SOX6: variants seen among roughly 807,000 people sequenced by gnomAD.
SOX6 encodes SRY-box transcription factor 6, also known as transcription factor SOX-6.
A neutral mutation model predicts 97.8 loss-of-function variants in SOX6; 11 were observed. The observed-to-expected ratio is 0.11, with a 90% confidence interval of 0.07 to 0.19. The LOEUF is 0.19. SOX6 is among the 10% of genes least tolerant of loss of function. SOX6 has a pLI of 1.00. For missense variants in SOX6, 810 were observed against 1,039.5 expected, an observed-to-expected ratio of 0.78 and a Z score of 3.04; for synonymous variants, 360 against 371.4, an observed-to-expected ratio of 0.97 and a Z score of 0.35.
chr11:16,575,575 A>G (rs1440748328), intron 4 of SOX6, among the ~76,000 whole-genome samples: 1 of 152,250 alleles, frequency 6.6e-6, no homozygotes, highest in Non-Finnish European at 1.5e-5. Context: ...GTAGGTCTTC[A>G]TGATAATGAT....
chr11:16,457,088 T>C (rs542456266), intron 1 of SOX6, among the ~76,000 whole-genome samples: 4 of 152,140 alleles, frequency 2.6e-5, no homozygotes, highest in East Asian at 1.9e-4. Context: ...TTTCTGATAC[T>C]CTGTTTTTCA....
At chr11:16,165,593 G>A (rs558070962) in intron 6 of SOX6, among the ~76,000 whole-genome samples, 126 of 152,260 alleles carry the variant, frequency 8.3e-4, no homozygotes, top group African/African-American at 3.0e-3. Flanking sequence ...GTAAAGTTCA[G>A]TAATGCTAAA....
At chr11:16,021,993 G>A (rs1393362128) in intron 12 of SOX6, among the ~76,000 whole-genome samples, 1 of 152,092 alleles carries the variant, frequency 6.6e-6, no homozygotes, top group East Asian at 1.9e-4. Context: ...ATTTAGATAT[G>A]TATTTGTACT....
intron 3 of SOX6, among the ~76,000 whole-genome samples, chr11:16,258,413 G>A (rs948447161): frequency 6.6e-6 from 1 of 151,840 alleles, no homozygotes; most frequent in Non-Finnish European, 1.5e-5. Flanking sequence ...GAAAAGACGC[G>A]AAGGAAACTT....
intron 3 of SOX6, among the ~76,000 whole-genome samples, chr11:16,672,530 G>A (rs1216577475): frequency 2.0e-5 from 3 of 152,170 alleles, no homozygotes; most frequent in African/African-American, 7.2e-5. Context: ...ATCTTACATG[G>A]ATGGCAGTAG....
chr11:16,014,817 C>A (rs1854833008), intron 13 of SOX6, 125 bp downstream of exon 13: 1 of 858,444 alleles, frequency 1.2e-6, no homozygotes, highest in African/African-American at 1.7e-5. Context: ...GTGACATTTC[C>A]TTTGCTTTGC....
At chr11:16,200,472 A>G (rs1851904314) in intron 4 of SOX6, among the ~76,000 whole-genome samples, 1 of 152,238 alleles carries the variant, frequency 6.6e-6, no homozygotes, top group Non-Finnish European at 1.5e-5. Context: ...GGTTTAAAAC[A>G]GAGTTGAAAG....
At chr11:16,533,747 T>C (rs988294011) in intron 4 of SOX6, among the ~76,000 whole-genome samples, 1 of 152,044 alleles carries the variant, frequency 6.6e-6, no homozygotes, top group Admixed American at 6.6e-5. Context: ...ACAAGAATAA[T>C]CATATTATGT....
intron 4 of SOX6, among the ~76,000 whole-genome samples, chr11:16,493,529 C>T (rs7951786): frequency 0.17 from 26,223 of 151,958 alleles, 2,312 homozygotes; most frequent in African/African-American, 0.2. Context: ...GAAAGGCTTC[C>T]GGGTAATATA....
intron 9 of SOX6, among the ~76,000 whole-genome samples, chr11:16,090,944 A>G (rs1473244837): frequency 1.3e-5 from 2 of 152,068 alleles, no homozygotes; most frequent in Non-Finnish European, 2.9e-5. Flanking sequence ...TTATTATTGC[A>G]TTTATCATTT....
intron 3 of SOX6, among the ~76,000 whole-genome samples, chr11:16,714,023 A>G (rs1215066472): frequency 6.6e-6 from 1 of 152,214 alleles, no homozygotes; most frequent in Non-Finnish European, 1.5e-5. Context: ...TGAACCACTT[A>G]GTTGTTAAAA....
intron 3 of SOX6, among the ~76,000 whole-genome samples, chr11:16,278,233 A>T (rs1405049382): frequency 6.6e-6 from 1 of 152,290 alleles, no homozygotes; most frequent in East Asian, 1.9e-4. Context: ...AAACCAAAAA[A>T]AATGCAGTTT....
chr11:16,415,301 C>T (rs945878828), intron 1 of SOX6, among the ~76,000 whole-genome samples: 1 of 150,758 alleles, frequency 6.6e-6, no homozygotes, highest in Admixed American at 6.7e-5. Context: ...ATAAATACTA[C>T]ATATTCTCAT....
rs182250277 is a variant in SOX6, at chr11:16,687,974, C to T, written n.429+26856G>A. Among the ~76,000 whole-genome samples the T allele has an allele frequency of 1.7e-4, 26 of 151,818 alleles. 1 individual carries two copies. In the East Asian group the frequency reaches 4.9e-3, roughly 28 times the overall value. ...TTTAAGTTCTTCCCTTTATCACTGG[C>T]TTTAATAATTTTTTTTGACACAGGG... On this transcript the variant is annotated intron_variant and non_coding_transcript_variant, in intron 3 of 5. Transcript: ENST00000524520.
intron 12 of SOX6, among the ~76,000 whole-genome samples, chr11:16,046,176 G>T (rs535614369): frequency 1.3e-5 from 2 of 152,142 alleles, no homozygotes; most frequent in Admixed American, 1.3e-4. Context: ...AAACACATAT[G>T]TGTCTTCCTT....
chr11:16,552,402 C>T (rs1054168405), intron 4 of SOX6, among the ~76,000 whole-genome samples: 2 of 152,120 alleles, frequency 1.3e-5, no homozygotes, highest in Non-Finnish European at 2.9e-5. Context: ...CTCATTTCCC[C>T]CCTCCCAAAT....
chr11:16,528,457 G>A (rs569111468), intron 4 of SOX6, among the ~76,000 whole-genome samples: 12 of 152,142 alleles, frequency 7.9e-5, no homozygotes, highest in Middle Eastern at 3.4e-3. Context: ...CCCAGTCCAC[G>A]AATATGTGAC....
intron 3 of SOX6, among the ~76,000 whole-genome samples, chr11:16,639,833 T>G (rs1400617882): frequency 6.6e-6 from 1 of 152,184 alleles, no homozygotes; most frequent in Non-Finnish European, 1.5e-5. Flanking sequence ...GTTTTCTAGA[T>G]ATACAATCAT....
chr11:15,981,998 T>C (rs942405568), intron 15 of SOX6, among the ~76,000 whole-genome samples: 1 of 151,962 alleles, frequency 6.6e-6, no homozygotes, highest in Admixed American at 6.6e-5. Context: ...AGAGATTAAA[T>C]GTTTCCCAAG....
Sources: allele counts gnomAD v4.1 joint callset (sites outside exome capture counted in the v4.1 genomes callset), GRCh38; gene constraint gnomAD v4.1.1; transcripts MANE v1.5; gene names NCBI Gene and HGNC (gene_info 2026-07-23, HGNC 2026-07-21).